Variants in CCDC32 observed in about 807,000 individuals in gnomAD.
CCDC32 encodes coiled-coil domain-containing protein 32.
A neutral mutation model predicts 20.1 loss-of-function variants in CCDC32; 9 were observed. That is an observed-to-expected ratio of 0.45 (90% CI 0.27 to 0.78). The LOEUF is 0.78. Ranked by LOEUF, CCDC32 falls within the 30% of genes least tolerant of loss-of-function variation. CCDC32 has a pLI of 0.16. For synonymous variants in CCDC32, 63 were observed against 79.0 expected (o/e 0.80, Z 1.07); for missense variants, 204 against 215.5 (o/e 0.95, Z 0.33).
downstream of CCDC32, among the ~76,000 whole-genome samples, chr15:40,533,717 T>C (rs1304415710): frequency 6.6e-6 from 1 of 152,090 alleles, no homozygotes; most frequent in Non-Finnish European, 1.5e-5. Flanking sequence ...AAGAAAAGTA[T>C]GTATTATAAG....
At chr15:40,539,328 G>A (rs900487684) in exon 4 of CCDC32, 3 of 1,535,534 alleles carry the variant, frequency 2.0e-6, no homozygotes, top group Non-Finnish European at 2.6e-6. Context: ...AAAAGCTGCT[G>A]CTGCCAGGGG....
downstream of CCDC32, among the ~76,000 whole-genome samples, chr15:40,527,053 T>C (rs1595881297): frequency 1.3e-5 from 2 of 151,440 alleles, no homozygotes; most frequent in South Asian, 4.2e-4. Flanking sequence ...CAGGTTCAAA[T>C]GATCCTCCCG....
chr15:40,538,575 A>T (rs1707489376), downstream of CCDC32: 1 of 152,314 alleles, frequency 6.6e-6, no homozygotes, highest in Non-Finnish European at 1.5e-5. Context: ...AAATTCAGGC[A>T]ACGACCAATC....
downstream of CCDC32, among the ~76,000 whole-genome samples, chr15:40,533,024 CATA>C (rs890870937): frequency 2.6e-4 from 39 of 151,874 alleles, 1 homozygote; most frequent in African/African-American, 8.2e-4. Context: ...TATTATATAT[CATA>C]ATTTCTATTC....
At chr15:40,535,292 C>T, downstream of CCDC32, 2 of 1,310,154 alleles carry the variant, frequency 1.5e-6, no homozygotes, top group South Asian at 1.7e-5. Flanking sequence ...ACTGTATGAG[C>T]ACCTTGTAGG....
At chr15:40,564,732 G>A in intron 1 of CCDC32, 1 of 1,614,158 alleles carries the variant, frequency 6.2e-7, no homozygotes, top group Non-Finnish European at 8.5e-7. Flanking sequence ...ACCCGAATTC[G>A]TCTAAAGCCA....
chr15:40,523,544 C>G, the CCDC32 span, among the ~76,000 whole-genome samples: 1 of 151,210 alleles, frequency 6.6e-6, no homozygotes, highest in Non-Finnish European at 1.5e-5. Context: ...ATAAGTCTCT[C>G]TGGATTTATT....
At chr15:40,535,714 CAT>C (rs2141602631), downstream of CCDC32, 3 of 889,668 alleles carry the variant, frequency 3.4e-6, no homozygotes, top group East Asian at 1.2e-4. Flanking sequence ...GATTTGAGCA[CAT>C]GTGGTTTATT....
chr15:40,535,202 G>A, downstream of CCDC32: 1 of 1,388,796 alleles, frequency 7.2e-7, no homozygotes, highest in Non-Finnish European at 9.5e-7. Context: ...GGGGGAGAAT[G>A]CAGAGGTGGG....
downstream of CCDC32, among the ~76,000 whole-genome samples, chr15:40,533,827 C>T (rs1888992999): frequency 6.6e-6 from 1 of 151,738 alleles, no homozygotes; most frequent in African/African-American, 2.4e-5. Flanking sequence ...TAGACCACAC[C>T]GAGAACATTT....
intron 3 of CCDC32, chr15:40,556,479 G>A (rs1890243168): frequency 6.6e-6 from 1 of 152,158 alleles, no homozygotes; most frequent in Admixed American, 6.5e-5. Context: ...TCACACAGTG[G>A]ATGCTTAATA....
the CCDC32 span, among the ~76,000 whole-genome samples, chr15:40,522,636 T>A: frequency 1.1e-4 from 16 of 152,302 alleles, no homozygotes; most frequent in South Asian, 3.3e-3. Flanking sequence ...GCTTTTTAAA[T>A]GTTACTGGGC....
At chr15:40,554,597 T>G (rs1890111987) in intron 3 of CCDC32, among the ~76,000 whole-genome samples, 1 of 152,206 alleles carries the variant, frequency 6.6e-6, no homozygotes, top group South Asian at 2.1e-4. Context: ...TTACTTGCAC[T>G]AAGTGATTTT....
intron 1 of CCDC32, among the ~76,000 whole-genome samples, chr15:40,563,677 AACACACACAC>A (rs59483012): frequency 8.5e-5 from 11 of 129,802 alleles, no homozygotes; most frequent in East Asian, 2.0e-4. Context: ...CATATATTTT[AACACACACAC>A]ACACACACAC....
intron 3 of CCDC32, among the ~76,000 whole-genome samples, chr15:40,548,068 CCTT>C (rs1335482092): frequency 1.3e-5 from 2 of 152,194 alleles, no homozygotes; most frequent in Non-Finnish European, 2.9e-5. Flanking sequence ...CACTATCTCT[CCTT>C]CTATTTCCTC....
At chr15:40,557,555 C>A in intron 2 of CCDC32, 183 bp from the exon 3 acceptor site, 1 of 559,922 alleles carries the variant, frequency 1.8e-6, no homozygotes, top group Non-Finnish European at 3.0e-6. Flanking sequence ...TTTTCCTTCA[C>A]AAAGTCCTCA....
At chr15:40,559,917 A>G (rs1890505262) in intron 2 of CCDC32, among the ~76,000 whole-genome samples, 1 of 152,190 alleles carries the variant, frequency 6.6e-6, no homozygotes, top group African/African-American at 2.4e-5. Flanking sequence ...CCTATCTCTC[A>G]CCTTATACAA....
intron 3 of CCDC32, among the ~76,000 whole-genome samples, chr15:40,541,041 C>T (rs1455528785): frequency 6.6e-6 from 1 of 152,194 alleles, no homozygotes; most frequent in Non-Finnish European, 1.5e-5. Context: ...CCCTGGAAGG[C>T]GGATCCTGGC....
chr15:40,530,937 T>G (rs1301861155), downstream of CCDC32, among the ~76,000 whole-genome samples: 1 of 151,668 alleles, frequency 6.6e-6, no homozygotes, highest in African/African-American at 2.4e-5. Flanking sequence ...CTTGAACTCC[T>G]GAGCTCAAGC....
Sources: gnomAD v4.1 joint callset for allele counts (sites outside exome capture counted in the v4.1 genomes callset) on GRCh38, gnomAD v4.1.1 for gene constraint, MANE v1.5 for transcripts, NCBI Gene and HGNC (gene_info 2026-07-23, HGNC 2026-07-21) for gene names.